The following SLC18A1 variants were observed in gnomAD, a reference collection of about 807,000 sequenced individuals.
SLC18A1 encodes solute carrier family 18 member A1.
Under a neutral mutation model 53.7 loss-of-function variants are expected in SLC18A1, and 69 were observed. The observed-to-expected ratio is 1.28, with a 90% CI of 1.06 to 1.57. The LOEUF (loss-of-function observed/expected upper bound fraction) is 1.57, where lower values mean the gene tolerates loss of function less well. SLC18A1 is among the 40% of genes most tolerant of loss of function. SLC18A1 has a pLI of 0.00. For missense variants in SLC18A1, 932 were observed against 668.1 expected, an observed-to-expected ratio of 1.40 and a Z score of -4.35; for synonymous variants, 320 against 248.1, an observed-to-expected ratio of 1.29 and a Z score of -2.72.
At chr8:20,159,634 C>CAAAAAAAAAAAAAAAAAAAAAAAAA (rs200123466) in intron 10 of SLC18A1, among the ~76,000 whole-genome samples, 26 of 81,530 alleles carry the variant, frequency 3.2e-4, no homozygotes, top group Non-Finnish European at 4.8e-4. Flanking sequence ...TTGCAGCTGC[C>CAAAAAAAAAAAAAAAAAAAAAAAAA]AAAAAAAAAA....
chr8:20,164,997 G>C, intron 9 of SLC18A1, 33 bp from the exon 10 acceptor site: 1 of 1,613,594 alleles, frequency 6.2e-7, no homozygotes, highest in Non-Finnish European at 8.5e-7. Flanking sequence ...AGCCGTGGCT[G>C]CTTGAAGCCC....
chr8:20,169,986 C>A (rs893259643), intron 8 of SLC18A1, among the ~76,000 whole-genome samples: 3 of 152,162 alleles, frequency 2.0e-5, no homozygotes, highest in African/African-American at 7.2e-5. Flanking sequence ...AGTGGCTGAA[C>A]CACCTGGATG....
In SLC18A1 at chr8:20,147,272, T is replaced by G; in HGVS notation, c.1450A>C (p.Lys484Gln). 1 of 1,605,122 alleles carries G rather than the reference T, an allele frequency of 6.2e-7. No homozygotes were observed. The highest frequency in any genetic ancestry group is 8.5e-7 in the Non-Finnish European group (1 of 1,177,440). ...GTGCTCCTTACAAGCTTCTCTTCCT[T>G]TGCCGGGGGGCTCCGCAGGTAGTAG... Reference protein sequence around the residue: ...LCYYLRSPPAKEEKLAILSQD... With the variant: ...LCYYLRSPPAQEEKLAILSQD... Residue 484 changes from lysine (K) to glutamine (Q), a missense_variant, in exon 15 of 16, where the codon AAG becomes CAG. Transcript: ENST00000276373.
At chr8:20,148,420 C>A in intron 12 of SLC18A1, 2 of 1,282,832 alleles carry the variant, frequency 1.6e-6, no homozygotes, top group Non-Finnish European at 2.0e-6. Flanking sequence ...TTCACCTAAA[C>A]ATACACTCCT....
chr8:20,178,995 T>A, intron 3 of SLC18A1, 126 bp downstream of exon 3: 1 of 1,160,728 alleles, frequency 8.6e-7, no homozygotes, highest in South Asian at 1.6e-5. Context: ...GCTTTCCGAA[T>A]AGCTGACTCC....
At chr8:20,160,746 A>G (rs899883660) in intron 10 of SLC18A1, among the ~76,000 whole-genome samples, 4 of 152,154 alleles carry the variant, frequency 2.6e-5, no homozygotes, top group Non-Finnish European at 5.9e-5. Context: ...TAAAGAAAAA[A>G]GATGTATTTG....
rs1488485941 is a variant in SLC18A1, at chr8:20,145,736, C to T, written c.*27G>A. 2.7e-6 allele frequency: 4 copies of T among 1,477,180 alleles called. No homozygotes were observed. The highest frequency in any genetic ancestry group is 2.8e-5 in the African/African-American group (2 of 71,968). The allele number at this position is 1,477,180 out of a possible 1,614,324, so 91.5% of individuals were successfully genotyped here. A position where few individuals can be genotyped will look rare whatever the true frequency, so the allele number is the denominator to read the frequency against. ...GGGAAAGAGGTGGTCACTGAGGCAT[C>T]ATGAATTCAAGGAGCACCTTCTGCT... is the stretch of plus-strand genomic sequence containing the variant. On this transcript the variant is annotated 3_prime_UTR_variant, in exon 16 of 16. Transcript: ENST00000276373.
intron 10 of SLC18A1, among the ~76,000 whole-genome samples, chr8:20,151,250 G>A (rs1563725988): frequency 6.6e-6 from 1 of 151,332 alleles, no homozygotes; most frequent in African/African-American, 2.4e-5. Flanking sequence ...GCCTCCCAAA[G>A]TGCTGGGATT....
intron 10 of SLC18A1, among the ~76,000 whole-genome samples, chr8:20,152,559 A>T (rs2071584812): frequency 6.6e-6 from 1 of 152,116 alleles, no homozygotes; most frequent in South Asian, 2.1e-4. Flanking sequence ...TTTTGTCTTA[A>T]TCGATTGGGT....
Position 20,178,494 on chromosome 8 carries a change from C to G in SLC18A1, c.489-1G>C. On this transcript the variant is annotated splice_acceptor_variant, in intron 3 of 15. Coordinates refer to ENST00000276373, the MANE Select transcript of SLC18A1 (RefSeq NM_003053.4). LOFTEE classifies it high-confidence loss of function. ...AAACATGGGGATATGATATCCAATC[C>G]TAAAAGGGAATTGAAAAAAAAAAAG... 6.3e-7 allele frequency: 1 copy of G among 1,584,614 alleles called. No individual in the cohort carries two copies. The highest frequency in any genetic ancestry group is 8.6e-7 in the Non-Finnish European group (1 of 1,163,312).
rs751006767 is a variant in SLC18A1, at chr8:20,147,345, C to T, written c.1377G>A (p.Trp459Ter). Residue 459 changes from tryptophan (W) to a stop codon, truncating the protein, a stop_gained, in exon 15 of 16, where the codon TGG becomes TGA. Coordinates refer to ENST00000276373, the MANE Select transcript of SLC18A1 (RefSeq NM_003053.4). LOFTEE classifies it high-confidence loss of function. The stretch of plus-strand genomic sequence containing the variant: ...TGATGACCCCAGTGATGACCATGAG[C>T]CAGGGAAAACCGATGGCCTTTACAA... ...GAIVKAIGFPWLMVITGVINI... is the reference protein window; with the variant it reads ...GAIVKAIGFP 1 of 1,613,308 alleles carries T rather than the reference C, an allele frequency of 6.2e-7. No homozygotes were observed. Among genetic ancestry groups the T allele is most frequent in the East Asian group, 2.2e-5 (1 of 44,864 alleles).
rs1185198114 is a variant in SLC18A1, at chr8:20,145,888, G to A, written c.1465-12C>T. ...TGACTCAGAATAGCCTGCAGAGAGAGGCAAGAAGAGAAGCCACTGCACATT... is the reference window on the plus strand; with the variant it reads ...TGACTCAGAATAGCCTGCAGAGAGAAGCAAGAAGAGAAGCCACTGCACATT... On this transcript the variant is annotated splice_polypyrimidine_tract_variant and intron_variant, in intron 15 of 15. Transcript: ENST00000276373. 2 of 1,513,400 alleles carry A rather than the reference G, an allele frequency of 1.3e-6. No individual in the cohort carries two copies. The highest frequency in any genetic ancestry group is 9.0e-7 in the Non-Finnish European group (1 of 1,106,978). The allele number at this position is 1,513,400 out of a possible 1,614,324, so 93.7% of individuals were successfully genotyped here. A position where few individuals can be genotyped will look rare whatever the true frequency, so the allele number is the denominator to read the frequency against.
At chr8:20,149,502 C>T (rs2071489978) in intron 12 of SLC18A1, among the ~76,000 whole-genome samples, 174 bp downstream of exon 12, 1 of 152,048 alleles carries the variant, frequency 6.6e-6, no homozygotes, top group Non-Finnish European at 1.5e-5. Context: ...CAGAAACAGT[C>T]TTTCTGACAG....
Position 20,173,077 on chromosome 8 carries a change from G to T in SLC18A1, c.683C>A (p.Ala228Asp). The part of the protein sequence containing the change: ...VYTDDHERGR[A>D]MGTALGGLAL... ...CAGGCCCCCCAGAGCAGTTCCCATG[G>T]CTCGTCCTCTCTCATGGTCATCAGT... The change falls in exon 6 of 16, where the codon GCC (alanine) becomes GAC (aspartate). Residue 228 changes from alanine (A) to aspartate (D), a missense_variant. Transcript: ENST00000276373. 1.3e-5 allele frequency: 20 copies of T among 1,586,784 alleles called. No homozygotes were observed. Among genetic ancestry groups the T allele is most frequent in the Non-Finnish European group, 1.6e-5 (19 of 1,167,340 alleles).
At chr8:20,162,071 T>G (rs1254344858) in intron 10 of SLC18A1, among the ~76,000 whole-genome samples, 1 of 152,006 alleles carries the variant, frequency 6.6e-6, no homozygotes, top group East Asian at 1.9e-4. Flanking sequence ...CCCTCCAGAG[T>G]GGGAGGCCAG....
At chr8:20,148,544 GC>G (rs1289847234) in intron 12 of SLC18A1, 1 of 1,122,960 alleles carries the variant, frequency 8.9e-7, no homozygotes, top group Non-Finnish European at 1.2e-6. Flanking sequence ...TAGAGAAGAG[GC>G]CCCAACAACC....
intron 12 of SLC18A1, among the ~76,000 whole-genome samples, chr8:20,148,787 T>C (rs2071471707): frequency 6.6e-6 from 1 of 152,182 alleles, no homozygotes; most frequent in Non-Finnish European, 1.5e-5. Context: ...GATAACAATT[T>C]TTAGGGTTCA....
intron 10 of SLC18A1, among the ~76,000 whole-genome samples, chr8:20,153,811 T>C (rs73210888): frequency 7.2e-5 from 11 of 152,310 alleles, no homozygotes; most frequent in Non-Finnish European, 1.5e-4. Flanking sequence ...AGATGAGAAC[T>C]GGATTGTTTG....
intron 12 of SLC18A1, among the ~76,000 whole-genome samples, chr8:20,149,395 C>T (rs1470189425): frequency 6.6e-6 from 1 of 152,110 alleles, no homozygotes; most frequent in African/African-American, 2.4e-5. Context: ...CCGGCTCCAG[C>T]TGCCCTACAG....
Sources: allele counts gnomAD v4.1 joint callset (sites outside exome capture counted in the v4.1 genomes callset), GRCh38; gene constraint gnomAD v4.1.1; transcripts MANE v1.5; gene names NCBI Gene and HGNC (gene_info 2026-07-23, HGNC 2026-07-21).